SPOCK1: variants seen among roughly 807,000 people sequenced by gnomAD.
SPOCK1 encodes SPARC (osteonectin), cwcv and kazal like domains proteoglycan 1, also known as testican-1.
SPOCK1 carries 23 observed loss-of-function variants against 55.3 expected under a neutral mutation model. The ratio of observed to expected loss-of-function variants is 0.42; its 90% CI spans 0.30 to 0.59. The LOEUF (loss-of-function observed/expected upper bound fraction) is 0.59. Ranked by LOEUF, SPOCK1 falls within the 20% of genes least tolerant of loss-of-function variation. The pLI is 0.22. For synonymous variants in SPOCK1, 226 were observed against 221.0 expected (o/e 1.02, Z -0.20); for missense variants, 499 against 552.5 (o/e 0.90, Z 0.97).
At chr5:137,132,000 A>ATATATATG (rs1554099253) in intron 4 of SPOCK1, among the ~76,000 whole-genome samples, 4 of 58,042 alleles carry the variant, frequency 6.9e-5, no homozygotes, top group African/African-American at 3.3e-4. Context: ...ATATATATAT[A>ATATATATG]TATATATATA....
intron 9 of SPOCK1, among the ~76,000 whole-genome samples, chr5:136,982,372 A>G (rs1750749426): frequency 6.6e-6 from 1 of 152,232 alleles, no homozygotes; most frequent in Admixed American, 6.5e-5. Flanking sequence ...ATACTAATCA[A>G]TAATAATAAA....
intron 5 of SPOCK1, among the ~76,000 whole-genome samples, chr5:137,092,350 G>GCGAC (rs1423406846): frequency 1.3e-5 from 2 of 152,232 alleles, no homozygotes; most frequent in Admixed American, 6.5e-5. Flanking sequence ...TCCTGAGGAA[G>GCGAC]CGACCGAGGG....
intron 3 of SPOCK1, among the ~76,000 whole-genome samples, chr5:137,204,095 G>T (rs1406710007): frequency 6.6e-6 from 1 of 152,146 alleles, no homozygotes; most frequent in Non-Finnish European, 1.5e-5. Context: ...TATCCAACCA[G>T]CTCTAGCCTT....
chr5:137,231,302 C>T (rs1172797119), intron 3 of SPOCK1, among the ~76,000 whole-genome samples: 1 of 152,190 alleles, frequency 6.6e-6, no homozygotes, highest in Non-Finnish European at 1.5e-5. Flanking sequence ...CCACTTCAGC[C>T]TCCCAAAGTG....
chr5:137,234,495 G>A (rs913885060), intron 3 of SPOCK1, among the ~76,000 whole-genome samples: 6 of 152,056 alleles, frequency 3.9e-5, no homozygotes, highest in Non-Finnish European at 7.4e-5. Context: ...TATTTCCAGC[G>A]TTTATTATCA....
chr5:137,036,250 G>A (rs1252128139), intron 6 of SPOCK1, among the ~76,000 whole-genome samples: 1 of 151,810 alleles, frequency 6.6e-6, no homozygotes. Flanking sequence ...TCTGAGCAGG[G>A]AGGTTGATCA....
chr5:137,478,075 T>A (rs1280250279), intron 2 of SPOCK1, among the ~76,000 whole-genome samples: 1 of 152,178 alleles, frequency 6.6e-6, no homozygotes, highest in Non-Finnish European at 1.5e-5. Context: ...TCCTCAGGTA[T>A]ATAACGGAGG....
intron 2 of SPOCK1, among the ~76,000 whole-genome samples, chr5:137,303,854 T>C (rs1757649424): frequency 6.6e-6 from 1 of 152,210 alleles, no homozygotes; most frequent in Non-Finnish European, 1.5e-5. Context: ...AGCAACTCTT[T>C]GCCCTTCTCC....
At chr5:137,445,734 T>C (rs921053728) in intron 2 of SPOCK1, among the ~76,000 whole-genome samples, 2 of 152,178 alleles carry the variant, frequency 1.3e-5, no homozygotes, top group African/African-American at 4.8e-5. Context: ...GAAGCACTTA[T>C]CTGGGGTAAA....
intron 3 of SPOCK1, among the ~76,000 whole-genome samples, chr5:137,238,702 G>A (rs1756229547): frequency 6.6e-6 from 1 of 152,086 alleles, no homozygotes; most frequent in Non-Finnish European, 1.5e-5. Context: ...CCCAGTCTTG[G>A]TAACAACAAA....
chr5:137,081,405 G>A (rs1399713988), intron 5 of SPOCK1, among the ~76,000 whole-genome samples: 2 of 152,140 alleles, frequency 1.3e-5, no homozygotes, highest in African/African-American at 4.8e-5. Context: ...TACTAGCTAA[G>A]CACATCCACC....
At chr5:137,438,996 T>C (rs377368535) in intron 2 of SPOCK1, among the ~76,000 whole-genome samples, 8 of 152,032 alleles carry the variant, frequency 5.3e-5, no homozygotes, top group African/African-American at 1.7e-4. Context: ...CACTTTGGAG[T>C]CAGATGCTGG....
intron 3 of SPOCK1, among the ~76,000 whole-genome samples, chr5:137,159,653 C>T (rs1012290202): frequency 1.3e-5 from 2 of 152,200 alleles, no homozygotes; most frequent in African/African-American, 4.8e-5. Flanking sequence ...AACAACATTG[C>T]TGCAAAAGGC....
chr5:137,276,011 A>T (rs1757059934), intron 2 of SPOCK1, among the ~76,000 whole-genome samples: 2 of 152,156 alleles, frequency 1.3e-5, no homozygotes, highest in African/African-American at 4.8e-5. Flanking sequence ...CACTGCCTCA[A>T]TAGTGACCTT....
intron 3 of SPOCK1, among the ~76,000 whole-genome samples, chr5:137,185,523 C>T (rs114299176): frequency 5.9e-5 from 9 of 152,160 alleles, no homozygotes; most frequent in Admixed American, 1.3e-4. Flanking sequence ...TAGAAACGGA[C>T]GAATTAGCTA....
intron 4 of SPOCK1, among the ~76,000 whole-genome samples, chr5:137,118,819 T>C (rs1753638175): frequency 1.3e-5 from 2 of 152,216 alleles, no homozygotes; most frequent in Admixed American, 1.3e-4. Context: ...ACCATGTTTG[T>C]ATAACTTTAG....
Position 137,439,764 on chromosome 5 carries a change from A to T in SPOCK1, c.186+58609T>A, listed in dbSNP as rs1287981159. On this transcript the variant is annotated intron_variant, in intron 2 of 10. Coordinates refer to ENST00000394945, the MANE Select transcript of SPOCK1 (RefSeq NM_004598.4). Reference sequence around the variant, plus strand: ...TCATCTTCGCTGGCTCCCAGTAAAAATGGCAGCTGGCCATTCACTCTACAG... The same window carrying T: ...TCATCTTCGCTGGCTCCCAGTAAAATTGGCAGCTGGCCATTCACTCTACAG... 5.3e-5 allele frequency among the ~76,000 whole-genome samples: 8 copies of T among 152,216 alleles called. No homozygotes were observed. In the East Asian group the frequency reaches 1.5e-3, roughly 29 times the overall value.
chr5:137,455,445 G>A (rs1173617001), intron 2 of SPOCK1, among the ~76,000 whole-genome samples: 2 of 152,148 alleles, frequency 1.3e-5, no homozygotes, highest in African/African-American at 2.4e-5. Flanking sequence ...TGTCTCCTAG[G>A]AGACAGGGCC....
Position 137,112,515 on chromosome 5 carries a change from T to G in SPOCK1, c.394A>C (p.Asn132His). Residue 132 changes from asparagine to histidine, a missense_variant, in exon 5 of 11, where the codon AAT becomes CAT. By Grantham distance (68) the Asn-to-His change is moderately conservative (BLOSUM62 1). Around this residue, in one of 3 missense-constraint regions of SPOCK1, gnomAD observed 386 missense variants for 400.6 expected, o/e 0.96. Transcript: ENST00000394945. ...VAQKHWVGPSNLVKCKPCPVA... is the reference protein window; with the variant it reads ...VAQKHWVGPSHLVKCKPCPVA... ...GGACAGGGCTTGCACTTGACCAAAT[T>G]CGAAGGTCCAACCCAGTGTTTCTGG... The G allele has an allele frequency of 6.2e-7, 1 of 1,613,818 alleles. No homozygotes were observed. Among genetic ancestry groups the G allele is most frequent in the Non-Finnish European group, 8.5e-7 (1 of 1,180,012 alleles).
Sources: gnomAD v4.1 joint callset for allele counts (sites outside exome capture counted in the v4.1 genomes callset) on GRCh38, gnomAD v4.1.1 for gene constraint, gnomAD v4.1.1 regional missense constraint, MANE v1.5 for transcripts, NCBI Gene and HGNC (gene_info 2026-07-23, HGNC 2026-07-21) for gene names.